Variants in RAD51B observed in about 807,000 individuals in gnomAD.
RAD51B encodes RAD51 paralog B, also known as DNA repair protein RAD51 homolog 2.
Under a neutral mutation model 42.2 loss-of-function variants are expected in RAD51B, and 38 were observed. The observed-to-expected ratio is 0.90, with a 90% CI of 0.70 to 1.18. RAD51B has a LOEUF of 1.18. Among genes scored for constraint, RAD51B ranks in the 50% most tolerant of loss-of-function variants. The pLI, the probability that RAD51B is intolerant of heterozygous loss-of-function variation, is 0.00. For missense variants in RAD51B, 373 were observed against 400.7 expected (o/e 0.93, Z 0.59); for synonymous variants, 154 against 145.2 (o/e 1.06, Z -0.43).
intron 11 of RAD51B, among the ~76,000 whole-genome samples, chr14:68,656,683 G>T (rs1413550484): frequency 1.3e-5 from 2 of 152,188 alleles, no homozygotes; most frequent in African/African-American, 4.8e-5. Flanking sequence ...CTTTGGGCCT[G>T]CCTGGGCGGG....
chr14:68,521,128 T>C (rs1886547502), intron 10 of RAD51B, among the ~76,000 whole-genome samples: 1 of 152,156 alleles, frequency 6.6e-6, no homozygotes, highest in Admixed American at 6.5e-5. Flanking sequence ...GGATGGAATG[T>C]CTGAGGAGAG....
chr14:68,329,001 T>A (rs998512806), intron 8 of RAD51B, among the ~76,000 whole-genome samples: 1 of 152,182 alleles, frequency 6.6e-6, no homozygotes, highest in Non-Finnish European at 1.5e-5. Flanking sequence ...TGTCACTTTT[T>A]ATTTTTATTT....
chr14:67,945,028 T>G (rs1382361802), intron 7 of RAD51B, among the ~76,000 whole-genome samples: 1 of 152,226 alleles, frequency 6.6e-6, no homozygotes, highest in Non-Finnish European at 1.5e-5. Flanking sequence ...AATATTTGTT[T>G]TAGTTGTACT....
At chr14:68,225,819 A>G (rs909600948) in intron 7 of RAD51B, among the ~76,000 whole-genome samples, 7 of 152,254 alleles carry the variant, frequency 4.6e-5, no homozygotes, top group African/African-American at 1.7e-4. Context: ...AGGACAACAC[A>G]AGAGGCTTAA....
intron 7 of RAD51B, among the ~76,000 whole-genome samples, chr14:68,220,542 A>G (rs1230020378): frequency 6.6e-6 from 1 of 152,148 alleles, no homozygotes. Flanking sequence ...AGCATCCCTC[A>G]TGAGAACTGG....
chr14:68,639,433 C>T (rs918276423), intron 10 of RAD51B, among the ~76,000 whole-genome samples: 3 of 152,032 alleles, frequency 2.0e-5, no homozygotes, highest in African/African-American at 7.3e-5. Context: ...CTCAAGTCAC[C>T]TGGCCCCTCC....
chr14:68,572,662 T>C (rs938250871), intron 10 of RAD51B, among the ~76,000 whole-genome samples: 3 of 152,060 alleles, frequency 2.0e-5, no homozygotes, highest in African/African-American at 7.2e-5. Flanking sequence ...GACTATCCAC[T>C]CATCCCTGGC....
At chr14:68,331,056 A>G (rs959628747) in intron 8 of RAD51B, among the ~76,000 whole-genome samples, 6 of 152,152 alleles carry the variant, frequency 3.9e-5, no homozygotes, top group African/African-American at 7.2e-5. Context: ...TTATACATGG[A>G]AAAGCTATTC....
chr14:68,067,413 G>A lies in RAD51B; in HGVS notation c.756+180209G>A, dbSNP rs530443954. Among the ~76,000 whole-genome samples the A allele has an allele frequency of 1.8e-4, 27 of 147,388 alleles. No individual in the cohort carries two copies. In the South Asian group the frequency reaches 4.9e-3, roughly 27 times the overall value. On this transcript the variant is annotated intron_variant, in intron 7 of 10. Transcript: ENST00000471583. Reference sequence around the variant, plus strand: ...CAAGAGGTGGAGGTTGCAGTGAGCCGAGATTGTGCCACTGCACTCCAACCT... The same window carrying A: ...CAAGAGGTGGAGGTTGCAGTGAGCCAAGATTGTGCCACTGCACTCCAACCT...
chr14:68,071,030 T>G (rs1424942215), intron 7 of RAD51B, among the ~76,000 whole-genome samples: 1 of 152,140 alleles, frequency 6.6e-6, no homozygotes, highest in Admixed American at 6.6e-5. Flanking sequence ...AGTATTTTGG[T>G]TTTTTTGTGG....
chr14:68,257,131 T>C (rs2080769730), intron 7 of RAD51B, among the ~76,000 whole-genome samples: 1 of 152,196 alleles, frequency 6.6e-6, no homozygotes, highest in Non-Finnish European at 1.5e-5. Context: ...ATTCCACTTA[T>C]ATGGGTATCT....
chr14:67,873,693 G>A (rs2042623699), intron 5 of RAD51B, among the ~76,000 whole-genome samples: 1 of 148,820 alleles, frequency 6.7e-6, no homozygotes, highest in Non-Finnish European at 1.5e-5. Context: ...CAACCCAAAT[G>A]TCCAACAATG....
chr14:68,507,806 T>A (rs905192234), intron 10 of RAD51B, among the ~76,000 whole-genome samples: 23 of 152,190 alleles, frequency 1.5e-4, no homozygotes, highest in Non-Finnish European at 2.6e-4. Flanking sequence ...CGGTTCACGT[T>A]CATGTTATAG....
At chr14:68,027,472 A>C (rs1374998211) in intron 7 of RAD51B, among the ~76,000 whole-genome samples, 1 of 152,080 alleles carries the variant, frequency 6.6e-6, no homozygotes, top group Non-Finnish European at 1.5e-5. Flanking sequence ...CAGGAATGCC[A>C]GTGAGTCATA....
At chr14:68,331,443 G>A (rs925368315) in intron 8 of RAD51B, among the ~76,000 whole-genome samples, 41 of 142,504 alleles carry the variant, frequency 2.9e-4, no homozygotes, top group African/African-American at 1.1e-3. Context: ...AAAACTTAAA[G>A]TTTAAAAAAA....
rs17105844 is a variant in RAD51B at position 68,562,623 on chromosome 14, T to C, written c.1037-31862T>C. ...CAGCAATATTATTGTTAGTTCTCTGTTCTAATGATCAGCTGTGAGGACCTA... is the reference window on the plus strand; with the variant it reads ...CAGCAATATTATTGTTAGTTCTCTGCTCTAATGATCAGCTGTGAGGACCTA... On this transcript the variant is annotated intron_variant, in intron 10 of 10. Coordinates refer to the RAD51B transcript ENST00000487270. The C allele has an allele frequency of 1.6e-3, 1,544 of 985,400 alleles. 22 individuals are homozygous for C. In the African/African-American group the frequency reaches 0.026, roughly 16 times the overall value. The allele number at this position is 985,400 out of a possible 1,614,324, so 61.0% of individuals were successfully genotyped here.
intron 7 of RAD51B, among the ~76,000 whole-genome samples, chr14:68,006,500 A>G (rs184142232): frequency 6.6e-6 from 1 of 152,212 alleles, no homozygotes; most frequent in East Asian, 1.9e-4. Context: ...ATCGCTTTAA[A>G]TATTGCATAT....
rs969967746 is a variant in RAD51B at position 68,288,892 on chromosome 14, A to AT, written c.757-2984dup. Among the ~76,000 whole-genome samples the AT allele has an allele frequency of 4.6e-4, 70 of 152,168 alleles. 2 individuals carry two copies. The highest frequency in any genetic ancestry group is 1.2e-3 in the East Asian group (6 of 5,190). ...CATTTAGATCTCTCAGAAGTTCCAC[A>AT]TTTTTTTTAACTAAGATAGACAAAT... On this transcript the variant is annotated intron_variant, in intron 7 of 10. Transcript: ENST00000471583.
intron 8 of RAD51B, among the ~76,000 whole-genome samples, chr14:68,308,959 G>A (rs760384302): frequency 6.6e-6 from 1 of 152,154 alleles, no homozygotes; most frequent in Non-Finnish European, 1.5e-5. Context: ...GAGAGAGAAG[G>A]CTCTTACAAA....
Sources: gnomAD v4.1 joint callset for allele counts (sites outside exome capture counted in the v4.1 genomes callset) on GRCh38, gnomAD v4.1.1 for gene constraint, MANE v1.5 for transcripts, NCBI Gene and HGNC (gene_info 2026-07-23, HGNC 2026-07-21) for gene names.